Variants in PIP5K1B observed in about 807,000 individuals in gnomAD.
PIP5K1B encodes phosphatidylinositol 4-phosphate 5-kinase type-1 beta.
Under a neutral mutation model 67.0 loss-of-function variants are expected in PIP5K1B, and 42 were observed. The observed-to-expected ratio is 0.63, with a 90% CI of 0.49 to 0.81. The LOEUF is 0.81. Among genes scored for constraint, PIP5K1B ranks in the 30% least tolerant of loss-of-function variants. The pLI, the probability that PIP5K1B is intolerant of heterozygous loss-of-function variation, is 0.00. For missense variants in PIP5K1B, 459 were observed against 646.3 expected (o/e 0.71, Z 3.14); for synonymous variants, 214 against 231.4 (o/e 0.92, Z 0.68).
chr9:68,794,607 A>G (rs1832183419), intron 2 of PIP5K1B, among the ~76,000 whole-genome samples: 1 of 151,932 alleles, frequency 6.6e-6, no homozygotes, highest in Non-Finnish European at 1.5e-5. Flanking sequence ...ATTGAAATAT[A>G]GTTCCACACC....
chr9:68,907,200 A>C (rs1825656700), intron 8 of PIP5K1B, among the ~76,000 whole-genome samples: 1 of 152,196 alleles, frequency 6.6e-6, no homozygotes, highest in Non-Finnish European at 1.5e-5. Context: ...GGTAGGTGTG[A>C]ACTGTCCCTG....
chr9:68,960,206 T>TC, intron 14 of PIP5K1B, among the ~76,000 whole-genome samples: 1 of 152,348 alleles, frequency 6.6e-6, no homozygotes, highest in South Asian at 2.1e-4. Context: ...AAAGGCATTA[T>TC]TCCATTGTCT....
chr9:68,765,232 A>G (rs1220638776), intron 2 of PIP5K1B, among the ~76,000 whole-genome samples: 1 of 152,160 alleles, frequency 6.6e-6, no homozygotes, highest in African/African-American at 2.4e-5. Context: ...TTCAAACATT[A>G]TAGATGTTGG....
intron 2 of PIP5K1B, among the ~76,000 whole-genome samples, chr9:68,745,519 G>A (rs1284470985): frequency 6.6e-6 from 1 of 152,156 alleles, no homozygotes; most frequent in Non-Finnish European, 1.5e-5. Flanking sequence ...GGGAAGCAGG[G>A]CTTATCCTTA....
At chr9:68,972,411 C>A (rs768997189) in intron 14 of PIP5K1B, among the ~76,000 whole-genome samples, 1 of 152,080 alleles carries the variant, frequency 6.6e-6, no homozygotes, top group Non-Finnish European at 1.5e-5. Flanking sequence ...GCGATCGAGG[C>A]GGGTGGATCA....
rs558228168 is a variant in PIP5K1B at position 68,952,849 on chromosome 9, T to C, written c.1502+12059T>C. 4.0e-5 allele frequency among the ~76,000 whole-genome samples: 6 copies of C among 151,792 alleles called. No homozygotes were observed. In the South Asian group the frequency reaches 1.3e-3, roughly 32 times the overall value. On this transcript the variant is annotated intron_variant, in intron 14 of 15. Transcript: ENST00000265382. ...TGCCTTCCTTCCTTCCTTCCTTTCT[T>C]CCTTCCTTTCTTTCTTTCTTCCTAT...
intron 1 of PIP5K1B, among the ~76,000 whole-genome samples, chr9:68,720,228 G>A (rs1217090663): frequency 2.0e-5 from 3 of 152,168 alleles, no homozygotes; most frequent in African/African-American, 4.8e-5. Context: ...CAGTAGCCTA[G>A]CATCTAGCCT....
chr9:68,878,777 A>C (rs1824025806), intron 6 of PIP5K1B, among the ~76,000 whole-genome samples: 1 of 152,236 alleles, frequency 6.6e-6, no homozygotes, highest in African/African-American at 2.4e-5. Flanking sequence ...GGGTTGAGGT[A>C]GGGGTCTTTC....
chr9:68,872,650 T>C (rs1346128090), intron 5 of PIP5K1B, among the ~76,000 whole-genome samples: 2 of 152,240 alleles, frequency 1.3e-5, no homozygotes, highest in African/African-American at 4.8e-5. Flanking sequence ...TTATCACTGT[T>C]ACTTGTGGCT....
chr9:68,886,922 C>T (rs944590397), intron 6 of PIP5K1B, among the ~76,000 whole-genome samples: 1 of 152,310 alleles, frequency 6.6e-6, no homozygotes, highest in South Asian at 2.1e-4. Context: ...AGGGCTCCTC[C>T]TTGCCCTCTC....
intron 4 of PIP5K1B, among the ~76,000 whole-genome samples, chr9:68,832,541 G>A (rs548774665): frequency 6.6e-6 from 1 of 152,306 alleles, no homozygotes; most frequent in East Asian, 1.9e-4. Flanking sequence ...GGAATATGTG[G>A]CAGCTCAGTC....
At chr9:68,872,035 C>A (rs995644648) in intron 5 of PIP5K1B, among the ~76,000 whole-genome samples, 33 of 152,080 alleles carry the variant, frequency 2.2e-4, no homozygotes, top group Admixed American at 1.0e-3. Flanking sequence ...CACAGTTACT[C>A]AACAGGTAAC....
At chr9:68,857,891 A>G (rs960672453) in intron 4 of PIP5K1B, among the ~76,000 whole-genome samples, 1 of 152,076 alleles carries the variant, frequency 6.6e-6, no homozygotes, top group African/African-American at 2.4e-5. Flanking sequence ...GAGAAATAAT[A>G]AATAAATGGG....
chr9:68,899,897 A>G (rs1020144214), intron 8 of PIP5K1B, among the ~76,000 whole-genome samples: 6 of 152,156 alleles, frequency 3.9e-5, no homozygotes, highest in African/African-American at 7.2e-5. Context: ...TAAATTTTCC[A>G]TCTTTCTACC....
intron 1 of PIP5K1B, among the ~76,000 whole-genome samples, chr9:68,740,521 G>A (rs1828953429): frequency 6.6e-6 from 1 of 152,158 alleles, no homozygotes; most frequent in African/African-American, 2.4e-5. Context: ...AAGGACTAAG[G>A]TGCCTTTTAA....
Position 68,934,901 on chromosome 9 carries a change from T to C in PIP5K1B, c.1213T>C (p.Ser405Pro), listed in dbSNP as rs1330319768. 3 of 1,608,938 alleles carry C rather than the reference T, an allele frequency of 1.9e-6. No homozygotes were observed. ...VFKKIQALKA[S>P]PSKKRCNSIA... ...TCCTTTCTGTCTAGCTTTGAAGGCT[T>C]CACCGTCTAAGAAACGGTGCAATTC... The change falls in exon 13 of 16, where the codon TCA (serine) becomes CCA (proline). Residue 405 changes from serine to proline, a missense_variant. This residue lies in a region of PIP5K1B where 169 missense variants were observed against 171.9 expected (regional missense o/e 0.98). Coordinates refer to ENST00000265382, the MANE Select transcript of PIP5K1B (RefSeq NM_003558.4).
At chr9:68,984,885 C>T (rs1183806634) in intron 14 of PIP5K1B, among the ~76,000 whole-genome samples, 1 of 152,224 alleles carries the variant, frequency 6.6e-6, no homozygotes, top group African/African-American at 2.4e-5. Flanking sequence ...ATGTTAGCAG[C>T]AATGACTGTA....
intron 6 of PIP5K1B, among the ~76,000 whole-genome samples, chr9:68,881,177 C>T (rs982478252): frequency 1.3e-5 from 2 of 152,178 alleles, no homozygotes; most frequent in Non-Finnish European, 2.9e-5. Flanking sequence ...ACCAGCTGGC[C>T]TCATGCTTTC....
chr9:68,914,177 T>TG lies in PIP5K1B; in HGVS notation c.772-3371_772-3370insG, dbSNP rs529647876. Among the ~76,000 whole-genome samples the TG allele has an allele frequency of 5.6e-3, 859 of 152,270 alleles. 3 individuals carry two copies. The highest frequency in any genetic ancestry group is 7.0e-3 in the African/African-American group (290 of 41,528). Reference sequence around the variant, plus strand: ...ATTGCATGACAATATAAAAAAAGCATTTTTTTAAAAAAAACAAAGGTTTTT... The same window carrying TG: ...ATTGCATGACAATATAAAAAAAGCATGTTTTTTAAAAAAAACAAAGGTTTTT... On this transcript the variant is annotated intron_variant, in intron 8 of 15. Coordinates refer to ENST00000265382, the MANE Select transcript of PIP5K1B (RefSeq NM_003558.4).
Sources: gnomAD v4.1 joint callset for allele counts (sites outside exome capture counted in the v4.1 genomes callset) on GRCh38, gnomAD v4.1.1 for gene constraint, gnomAD v4.1.1 regional missense constraint, MANE v1.5 for transcripts, NCBI Gene and HGNC (gene_info 2026-07-23, HGNC 2026-07-21) for gene names.